Variants in CMTM8 observed in about 807,000 individuals in gnomAD.
CMTM8 encodes CKLF like MARVEL transmembrane domain containing 8.
CMTM8 carries 12 observed loss-of-function variants against 18.6 expected under a neutral mutation model. The observed-to-expected ratio is 0.65, with a 90% confidence interval of 0.41 to 1.05. The LOEUF is 1.05. Ranked by LOEUF, CMTM8 falls within the 50% of genes least tolerant of loss-of-function variation. The pLI, the probability that CMTM8 is intolerant of heterozygous loss-of-function variation, is 0.00. For missense variants in CMTM8, 217 were observed against 227.2 expected (o/e 0.95, Z 0.29); for synonymous variants, 87 against 90.6 (o/e 0.96, Z 0.23).
intron 1 of CMTM8, among the ~76,000 whole-genome samples, chr3:32,275,506 G>A (rs568032264): frequency 1.1e-4 from 16 of 152,188 alleles, no homozygotes; most frequent in African/African-American, 2.4e-4. Context: ...TAGCACTGGC[G>A]CATTGTAAGA....
At chr3:32,267,974 G>A (rs78606552) in intron 1 of CMTM8, among the ~76,000 whole-genome samples, 8,568 of 152,230 alleles carry the variant, frequency 0.056, 323 homozygotes, top group Admixed American at 0.084. Context: ...GGAGAAATAG[G>A]AACACTTTTA....
chr3:32,369,158 A>G (rs1695593711), intron 3 of CMTM8, among the ~76,000 whole-genome samples: 1 of 151,954 alleles, frequency 6.6e-6, no homozygotes, highest in South Asian at 2.1e-4. Flanking sequence ...AAAATACAAA[A>G]AAAAAATGAG....
At chr3:32,319,813 CAA>C (rs1696007481) in intron 1 of CMTM8, among the ~76,000 whole-genome samples, 1 of 152,220 alleles carries the variant, frequency 6.6e-6, no homozygotes, top group African/African-American at 2.4e-5. Flanking sequence ...GCAGAACTGT[CAA>C]AACAGCCCTT....
intron 1 of CMTM8, among the ~76,000 whole-genome samples, chr3:32,252,975 C>A (rs575162801): frequency 6.6e-6 from 1 of 152,168 alleles, no homozygotes; most frequent in South Asian, 2.1e-4. Context: ...ATGATTTGAG[C>A]AGTATGAATG....
intron 1 of CMTM8, among the ~76,000 whole-genome samples, chr3:32,323,181 C>G (rs988394433): frequency 6.6e-6 from 1 of 152,180 alleles, no homozygotes; most frequent in South Asian, 2.1e-4. Flanking sequence ...CTGAGGCCAG[C>G]CTGGCTGGGG....
intron 1 of CMTM8, among the ~76,000 whole-genome samples, chr3:32,337,005 A>G (rs1198348867): frequency 2.6e-5 from 4 of 152,128 alleles, no homozygotes; most frequent in Non-Finnish European, 5.9e-5. Context: ...GAGGCGGTGC[A>G]GGGCATCACA....
In CMTM8 at chr3:32,367,889, C is replaced by G; in HGVS notation, c.339C>G (p.Gly113=). ...PWTTVGLCFN[G]SAFVLYLSAA... is the part of the protein sequence containing the mutation. ...CCCCCCAGGGCCTGTGCTTTAACGG[C>G]AGTGCCTTCGTCTTGTACCTCTCTG... The change falls in exon 3 of 4, where the codon GGC becomes GGG. Residue 113 remains glycine, a synonymous_variant. Transcript: ENST00000307526. 1 of 1,613,746 alleles carries G rather than the reference C, an allele frequency of 6.2e-7. No individual in the cohort carries two copies. Among genetic ancestry groups the G allele is most frequent in the Non-Finnish European group, 8.5e-7 (1 of 1,179,740 alleles).
intron 1 of CMTM8, among the ~76,000 whole-genome samples, chr3:32,280,765 A>G (rs1462653906): frequency 6.9e-6 from 1 of 145,702 alleles, no homozygotes; most frequent in African/African-American, 2.6e-5. Flanking sequence ...TCATCTGTCT[A>G]CTTCTGGTAC....
intron 1 of CMTM8, among the ~76,000 whole-genome samples, chr3:32,245,825 A>C (rs2125528079): frequency 6.6e-6 from 1 of 152,206 alleles, no homozygotes; most frequent in South Asian, 2.1e-4. Context: ...TTTGAGATAG[A>C]GTCTTGTTCT....
chr3:32,356,025 C>T (rs1449247897), intron 1 of CMTM8, among the ~76,000 whole-genome samples: 1 of 152,134 alleles, frequency 6.6e-6, no homozygotes, highest in Non-Finnish European at 1.5e-5. Context: ...CAGTTGTAAT[C>T]GGTCAGGTAT....
At chr3:32,268,921 A>G (rs1702392843) in intron 1 of CMTM8, among the ~76,000 whole-genome samples, 1 of 152,178 alleles carries the variant, frequency 6.6e-6, no homozygotes. Flanking sequence ...GGGGGAAAAT[A>G]GGGATCTTTA....
Position 32,341,227 on chromosome 3 carries a change from G to A in CMTM8, c.148-16146G>A, listed in dbSNP as rs77946169. Among the ~76,000 whole-genome samples the A allele has an allele frequency of 4.9e-4, 74 of 152,322 alleles. No homozygotes were observed. The East Asian group carries it at 0.013, about 27-fold the overall frequency. On this transcript the variant is annotated intron_variant, in intron 1 of 3. Transcript: ENST00000307526. ...CTGCCGGGCATCTTGTTTTGCAGACGTGACAGTGGATTTGCATAGAGGCTT... is the reference window on the plus strand; with the variant it reads ...CTGCCGGGCATCTTGTTTTGCAGACATGACAGTGGATTTGCATAGAGGCTT...
chr3:32,261,595 C>T (rs13314943), intron 1 of CMTM8, among the ~76,000 whole-genome samples: 102,465 of 152,022 alleles, frequency 0.67, 36,529 homozygotes, highest in South Asian at 0.81. Flanking sequence ...GGAAGGTGCC[C>T]GTACTTTTCC....
intron 1 of CMTM8, among the ~76,000 whole-genome samples, chr3:32,253,919 G>T (rs1702145252): frequency 6.6e-6 from 1 of 151,756 alleles, no homozygotes; most frequent in African/African-American, 2.4e-5. Context: ...GGAGGATGGA[G>T]TTTCACGCTT....
chr3:32,320,226 A>G (rs1423605978), intron 1 of CMTM8, among the ~76,000 whole-genome samples: 1 of 152,250 alleles, frequency 6.6e-6, no homozygotes, highest in Non-Finnish European at 1.5e-5. Context: ...GAAACAATCC[A>G]AATGCCCGTC....
intron 1 of CMTM8, among the ~76,000 whole-genome samples, chr3:32,277,261 T>C (rs1184316370): frequency 2.0e-5 from 3 of 152,180 alleles, no homozygotes; most frequent in African/African-American, 4.8e-5. Context: ...TGATAAAGGC[T>C]ACTGGTGTCC....
At chr3:32,340,982 T>C (rs1421365280) in intron 1 of CMTM8, among the ~76,000 whole-genome samples, 1 of 152,268 alleles carries the variant, frequency 6.6e-6, no homozygotes, top group African/African-American at 2.4e-5. Flanking sequence ...TCACCTTTCT[T>C]GCAAGATTTC....
At chr3:32,307,773 C>T (rs562599419) in intron 1 of CMTM8, among the ~76,000 whole-genome samples, 2 of 152,278 alleles carry the variant, frequency 1.3e-5, no homozygotes, top group African/African-American at 2.4e-5. Flanking sequence ...CCCCAGAGTT[C>T]CTGAGTCAGT....
chr3:32,361,286 G>GTTTTTTTTTTTGTTTTTTTGTTT (rs58364646), intron 2 of CMTM8, among the ~76,000 whole-genome samples: 8 of 87,272 alleles, frequency 9.2e-5, no homozygotes, highest in Non-Finnish European at 1.7e-4. Context: ...CAGCCTAAGA[G>GTTTTTTTTTTTGTTTTTTTGTTT]TTTTTTTTTC....
Sources: allele counts gnomAD v4.1 joint callset (sites outside exome capture counted in the v4.1 genomes callset), GRCh38; gene constraint gnomAD v4.1.1; transcripts MANE v1.5; gene names NCBI Gene and HGNC (gene_info 2026-07-23, HGNC 2026-07-21).